The following MOBP variants were observed in gnomAD, a reference collection of about 807,000 sequenced individuals.
MOBP encodes the protein myelin associated oligodendrocyte basic protein, also known as myelin-associated oligodendrocyte basic protein.
Under a neutral mutation model 15.0 loss-of-function variants are expected in MOBP, and 5 were observed. That is an observed-to-expected ratio of 0.33 (90% CI 0.17 to 0.70). The LOEUF (loss-of-function observed/expected upper bound fraction) is 0.70, where lower values mean the gene tolerates loss of function less well. Among genes scored for constraint, MOBP ranks in the 30% least tolerant of loss-of-function variants. The pLI is 0.67. For synonymous variants in MOBP, 88 were observed against 99.0 expected, an observed-to-expected ratio of 0.89 and a Z score of 0.66; for missense variants, 188 against 257.8, an observed-to-expected ratio of 0.73 and a Z score of 1.85.
Position 39,508,903 on chromosome 3 carries a change from G to A in MOBP, c.*-4480G>A, listed in dbSNP as rs77033602. ...AGAATCCCTTGCCTTCTGAATATCTGTCTTATACCCCTGGGAAAACCCCAG... is the reference window on the plus strand; with the variant it reads ...AGAATCCCTTGCCTTCTGAATATCTATCTTATACCCCTGGGAAAACCCCAG... On this transcript the variant is annotated intron_variant, in intron 4 of 4. Transcript: ENST00000311042. 5.4e-3 allele frequency among the ~76,000 whole-genome samples: 821 copies of A among 152,036 alleles called. 5 individuals carry two copies. Among genetic ancestry groups the A allele is most frequent in the Non-Finnish European group, 8.8e-3 (596 of 67,976 alleles).
Position 39,502,564 on chromosome 3 carries a change from G to A in MOBP, c.236G>A (p.Arg79Lys). The stretch of plus-strand genomic sequence containing the variant: ...AGCCGCCGTGCCAAGTCCCCTCAGA[G>A]GCCCAAGCAACAGCCAGCTGCGCCC... ...RTSRRAKSPQ[R>K]PKQQPAAPPA... is the part of the protein sequence containing the mutation. Residue 79 changes from arginine to lysine, a missense_variant, in exon 4 of 4, where the codon AGG becomes AAG. This residue lies in a region of MOBP where 133 missense variants were observed against 212.5 expected (regional missense o/e 0.63). Transcript: ENST00000684792. The surrounding 1 kb of genome is among the most constrained non-coding windows in gnomAD (Gnocchi z 6.3). The A allele has an allele frequency of 6.3e-7, 1 of 1,581,134 alleles. No homozygotes were observed. Among genetic ancestry groups the A allele is most frequent in the Non-Finnish European group, 8.5e-7 (1 of 1,172,554 alleles).
In MOBP at chr3:39,470,761, G is replaced by T. The variant is rs146558072; in HGVS notation, c.-89+3021G>T. 1.9e-3 allele frequency among the ~76,000 whole-genome samples: 287 copies of T among 152,198 alleles called. 4 individuals carry two copies. In the East Asian group the frequency reaches 0.045, roughly 24 times the overall value. On this transcript the variant is annotated intron_variant, in intron 1 of 3. Coordinates refer to ENST00000684792, the MANE Select transcript of MOBP (RefSeq NM_001393704.1). The stretch of plus-strand genomic sequence containing the variant: ...CTCCTCTTTGTTAATTTAATAAAAA[G>T]ATCTTCCTAGTAGTAGGGGCAGAGT...
At chr3:39,472,005 G>A (rs561844985) in intron 1 of MOBP, among the ~76,000 whole-genome samples, 1 of 152,204 alleles carries the variant, frequency 6.6e-6, no homozygotes, top group African/African-American at 2.4e-5. Context: ...AGAACCTTGT[G>A]GTGGTTTCCT....
chr3:39,484,344 C>T (rs185921269), intron 2 of MOBP, among the ~76,000 whole-genome samples: 199 of 152,154 alleles, frequency 1.3e-3, no homozygotes, highest in African/African-American at 3.4e-3. Context: ...GTCTATGTGC[C>T]GTATTAATTG....
chr3:39,469,162 G>GTA lies in MOBP; in HGVS notation c.-89+1423_-89+1424insAT, dbSNP rs1457783291. On this transcript the variant is annotated intron_variant, in intron 1 of 3. Transcript: ENST00000684792. ...TATATACATATATACATATGTGTGT[G>GTA]TGTATACATATATACATGTGTGTGT... is the stretch of plus-strand genomic sequence containing the variant. 1.3e-4 allele frequency among the ~76,000 whole-genome samples: 9 copies of GTA among 69,870 alleles called. No individual in the cohort carries two copies. The African/African-American group carries it at 1.5e-3, about 11-fold the overall frequency. The allele number at this position is 69,870 out of a possible 152,430, so 45.8% of individuals were successfully genotyped here.
At chr3:39,523,175 A>G (rs1295748690) in intron 3 of MOBP, among the ~76,000 whole-genome samples, 1 of 152,216 alleles carries the variant, frequency 6.6e-6, no homozygotes, top group African/African-American at 2.4e-5. Flanking sequence ...TCACAAAACA[A>G]TCAACTAATC....
At chr3:39,469,129 T>A (rs1386122425) in intron 1 of MOBP, among the ~76,000 whole-genome samples, 1 of 81,524 alleles carries the variant, frequency 1.2e-5, no homozygotes, top group East Asian at 2.5e-4. Context: ...TATATACATA[T>A]GTGTGTGTAT....
chr3:39,511,139 G>A (rs1457570643), intron 4 of MOBP, among the ~76,000 whole-genome samples: 1 of 152,226 alleles, frequency 6.6e-6, no homozygotes, highest in African/African-American at 2.4e-5. Flanking sequence ...ATTGCCTAAT[G>A]TCATCTTAAT....
chr3:39,489,587 G>C (rs2042764530), intron 2 of MOBP, among the ~76,000 whole-genome samples: 1 of 152,152 alleles, frequency 6.6e-6, no homozygotes, highest in Non-Finnish European at 1.5e-5. Context: ...CCTATCTACT[G>C]TTCAGGGGGT....
chr3:39,468,142 T>A (rs887076916), intron 1 of MOBP, among the ~76,000 whole-genome samples: 1 of 152,150 alleles, frequency 6.6e-6, no homozygotes, highest in African/African-American at 2.4e-5. Context: ...TGAGTTTTTC[T>A]TCTTATCTAG....
intron 4 of MOBP, among the ~76,000 whole-genome samples, chr3:39,508,769 G>A (rs2043080618): frequency 6.6e-6 from 1 of 152,004 alleles, no homozygotes; most frequent in Non-Finnish European, 1.5e-5. Context: ...GGCTGGTCTT[G>A]AACTCCTGAC....
chr3:39,491,870 G>A lies in MOBP; in HGVS notation c.-4-10196G>A, dbSNP rs77293889. 4.4e-3 allele frequency among the ~76,000 whole-genome samples: 673 copies of A among 152,350 alleles called. 2 individuals are homozygous for A. The highest frequency in any genetic ancestry group is 0.015 in the African/African-American group (631 of 41,572). Reference sequence around the variant, plus strand: ...AAACCTCAAAACCATGGTGGGGGATGTGGGTATGGTGTAGTAGAATCATCC... The same window carrying A: ...AAACCTCAAAACCATGGTGGGGGATATGGGTATGGTGTAGTAGAATCATCC... On this transcript the variant is annotated intron_variant, in intron 2 of 3. Coordinates refer to ENST00000684792, the MANE Select transcript of MOBP (RefSeq NM_001393704.1).
rs1349047867 is a variant in MOBP, at chr3:39,502,900, T to C, written c.*20T>C. 17 of 1,066,922 alleles carry C rather than the reference T, an allele frequency of 1.6e-5. No homozygotes were observed. The highest frequency in any genetic ancestry group is 2.3e-5 in the Non-Finnish European group (17 of 753,342). 66.1% of individuals were successfully genotyped at this position (1,066,922 alleles called of 1,614,324 possible). On this transcript the variant is annotated 3_prime_UTR_variant, in exon 4 of 4. Coordinates refer to ENST00000684792, the MANE Select transcript of MOBP (RefSeq NM_001393704.1). This position sits in a 1 kb window ranked among gnomAD's most constrained non-coding sequence, Gnocchi z 6.3. ...TGGTAACACCATCTCTTCCCTTTTG[T>C]TCCCCAGCCCTAAGGTTAGTAGTTG...
chr3:39,519,449 C>A (rs906638753), downstream of MOBP, among the ~76,000 whole-genome samples: 5 of 150,458 alleles, frequency 3.3e-5, no homozygotes, highest in Admixed American at 2.6e-4. Context: ...AAATTTTTTT[C>A]TTCCAGCTGA....
At chr3:39,468,692 ATATACATATATACATATGTGTGTG>A (rs2042379903) in intron 1 of MOBP, among the ~76,000 whole-genome samples, 1 of 125,840 alleles carries the variant, frequency 7.9e-6, no homozygotes, top group African/African-American at 3.3e-5. Context: ...ATGTGTGTGT[ATATACATATATACATATGTGTGTG>A]TATATACATA....
At chr3:39,507,333 C>T (rs2043061359), downstream of MOBP, among the ~76,000 whole-genome samples, 1 of 152,126 alleles carries the variant, frequency 6.6e-6, no homozygotes, top group Non-Finnish European at 1.5e-5. Context: ...TTGTAACTTC[C>T]AATTTTCCCC....
At chr3:39,528,391 A>G (rs2125679429), downstream of MOBP, 1 of 131,260 alleles carries the variant, frequency 7.6e-6, no homozygotes, top group South Asian at 2.1e-4. Context: ...ACCTCAAGCT[A>G]GGGAAAAAAA....
chr3:39,496,567 C>T (rs1192357587), intron 2 of MOBP, among the ~76,000 whole-genome samples: 1 of 151,780 alleles, frequency 6.6e-6, no homozygotes, highest in Non-Finnish European at 1.5e-5. Context: ...GATGTTGGCT[C>T]ACTGCAAACT....
At chr3:39,473,045 G>A (rs1434729012) in intron 1 of MOBP, among the ~76,000 whole-genome samples, 1 of 152,178 alleles carries the variant, frequency 6.6e-6, no homozygotes, top group Non-Finnish European at 1.5e-5. Context: ...GAAATCTGCG[G>A]GGCTGGACTG....
Sources: allele counts gnomAD v4.1 joint callset (sites outside exome capture counted in the v4.1 genomes callset), GRCh38; gene constraint gnomAD v4.1.1; regional missense constraint gnomAD v4.1.1; non-coding constraint Gnocchi (gnomAD v3.1); transcripts MANE v1.5; gene names NCBI Gene and HGNC (gene_info 2026-07-23, HGNC 2026-07-21).